The following PKIB variants were observed in gnomAD, a reference collection of about 807,000 sequenced individuals.
The protein encoded by PKIB is PKI-beta.
Under a neutral mutation model 4.5 loss-of-function variants are expected in PKIB, and 2 were observed. The observed-to-expected ratio is 0.44, with a 90% CI of 0.18 to 1.39. The LOEUF (loss-of-function observed/expected upper bound fraction) is 1.39, where lower values mean the gene tolerates loss of function less well. Among genes scored for constraint, PKIB ranks in the 40% most tolerant of loss-of-function variants. PKIB has a pLI of 0.27. For missense variants in PKIB, 94 were observed against 92.6 expected, an observed-to-expected ratio of 1.02 and a Z score of -0.06; for synonymous variants, 38 against 36.0, an observed-to-expected ratio of 1.06 and a Z score of -0.20.
At chr6:122,637,272 C>G (rs987176284) in intron 2 of PKIB, among the ~76,000 whole-genome samples, 1 of 152,036 alleles carries the variant, frequency 6.6e-6, no homozygotes, top group Non-Finnish European at 1.5e-5. Flanking sequence ...ATTGCTTTTT[C>G]TTGATTTTTT....
At chr6:122,510,775 A>G (rs545210049) in intron 2 of PKIB, among the ~76,000 whole-genome samples, 1 of 152,248 alleles carries the variant, frequency 6.6e-6, no homozygotes, top group Admixed American at 6.5e-5. Flanking sequence ...TTTGACCCAG[A>G]TAAGGTGCTG....
At chr6:122,562,936 A>G (rs1431098367) in intron 2 of PKIB, among the ~76,000 whole-genome samples, 1 of 152,026 alleles carries the variant, frequency 6.6e-6, no homozygotes, top group Non-Finnish European at 1.5e-5. Flanking sequence ...TTAGCTTAAT[A>G]ACTAACCTCC....
intron 2 of PKIB, among the ~76,000 whole-genome samples, chr6:122,646,699 A>C (rs1261002282): frequency 6.6e-6 from 1 of 152,218 alleles, no homozygotes; most frequent in Non-Finnish European, 1.5e-5. Context: ...TATTAAATAG[A>C]AGTTAATTTA....
intron 2 of PKIB, among the ~76,000 whole-genome samples, chr6:122,646,653 A>G (rs1776327893): frequency 1.3e-5 from 2 of 152,306 alleles, no homozygotes; most frequent in African/African-American, 4.8e-5. Context: ...ATTCTTTACA[A>G]TGGTGAACCT....
At chr6:122,700,251 C>CTTTTTTTTT (rs34063696) in intron 3 of PKIB, among the ~76,000 whole-genome samples, 2 of 94,330 alleles carry the variant, frequency 2.1e-5, no homozygotes, top group African/African-American at 7.9e-5. Flanking sequence ...TCTTTTCTTT[C>CTTTTTTTTT]TTTTTTTTTT....
intron 2 of PKIB, among the ~76,000 whole-genome samples, chr6:122,561,148 A>G (rs769106598): frequency 6.6e-6 from 1 of 151,592 alleles, no homozygotes; most frequent in Non-Finnish European, 1.5e-5. Flanking sequence ...CAGTTTGTGC[A>G]CTTTCAGTCT....
intron 3 of PKIB, among the ~76,000 whole-genome samples, chr6:122,596,458 C>T (rs935534347): frequency 6.6e-6 from 1 of 152,158 alleles, no homozygotes. Flanking sequence ...TATACCACTT[C>T]CATTTGATGA....
At chr6:122,476,720 A>G (rs548912142) in intron 1 of PKIB, among the ~76,000 whole-genome samples, 19 of 152,342 alleles carry the variant, frequency 1.2e-4, no homozygotes, top group Non-Finnish European at 2.5e-4. Flanking sequence ...GTACTATTTT[A>G]TAATCATTGA....
chr6:122,694,690 C>G (rs1778494862), intron 3 of PKIB, among the ~76,000 whole-genome samples: 1 of 152,020 alleles, frequency 6.6e-6, no homozygotes, highest in Admixed American at 6.6e-5. Context: ...GATGGCAAAG[C>G]TATAAAAAGA....
intron 2 of PKIB, among the ~76,000 whole-genome samples, chr6:122,579,065 G>A (rs1372768432): frequency 1.3e-5 from 2 of 152,174 alleles, no homozygotes; most frequent in Non-Finnish European, 1.5e-5. Context: ...TCTTGGGTAT[G>A]TGTTCATCAG....
chr6:122,543,005 G>C (rs1378240616), intron 2 of PKIB, among the ~76,000 whole-genome samples: 2 of 152,074 alleles, frequency 1.3e-5, no homozygotes, highest in African/African-American at 2.4e-5. Flanking sequence ...ATGGGCATAC[G>C]ACCCTCTGAG....
chr6:122,550,371 A>G (rs1772640260), intron 2 of PKIB, among the ~76,000 whole-genome samples: 1 of 152,162 alleles, frequency 6.6e-6, no homozygotes, highest in Admixed American at 6.6e-5. Flanking sequence ...TTTTGTTTAC[A>G]TCTATATTTA....
intron 2 of PKIB, among the ~76,000 whole-genome samples, chr6:122,655,695 A>G (rs1196649707): frequency 6.6e-6 from 1 of 152,210 alleles, no homozygotes; most frequent in African/African-American, 2.4e-5. Context: ...GTACACATAT[A>G]TAGAATTATG....
intron 2 of PKIB, among the ~76,000 whole-genome samples, chr6:122,637,773 A>G (rs1413124641): frequency 1.3e-5 from 2 of 151,624 alleles, no homozygotes; most frequent in African/African-American, 4.8e-5. Context: ...AAAAAATCAT[A>G]ATAATTAATA....
rs118062094 is a variant in PKIB at position 122,715,961 on chromosome 6, A to G, written c.-8-1826A>G. On this transcript the variant is annotated intron_variant, in intron 3 of 4. Transcript: ENST00000368452. ...CCCCAGTTTCCACATCCACAAAGCA[A>G]GGGTCATACTTCAGTACCTCATGGG... Among the ~76,000 whole-genome samples, 178 of 152,224 alleles carry G rather than the reference A, an allele frequency of 1.2e-3. 3 individuals are homozygous for G. In the East Asian group the frequency reaches 0.018, roughly 16 times the overall value.
chr6:122,539,176 C>T (rs1777506629), intron 2 of PKIB, among the ~76,000 whole-genome samples: 1 of 151,984 alleles, frequency 6.6e-6, no homozygotes, highest in African/African-American at 2.4e-5. Flanking sequence ...CCTTTATTTC[C>T]TTCTCCTGCC....
At chr6:122,538,059 T>A (rs1777462845) in intron 2 of PKIB, among the ~76,000 whole-genome samples, 1 of 152,086 alleles carries the variant, frequency 6.6e-6, no homozygotes, top group Non-Finnish European at 1.5e-5. Context: ...TTTGAGTTCA[T>A]TGTAGATTCT....
chr6:122,472,354 T>C (rs551014945), intron 1 of PKIB, among the ~76,000 whole-genome samples: 1 of 152,250 alleles, frequency 6.6e-6, no homozygotes, highest in Non-Finnish European at 1.5e-5. Flanking sequence ...TGTTTGCTAT[T>C]GACTTATATT....
intron 2 of PKIB, chr6:122,480,697 A>T (rs1161227549): frequency 1.3e-5 from 2 of 151,786 alleles, no homozygotes; most frequent in South Asian, 2.1e-4. Context: ...ATTTCTAAGA[A>T]TTTTTTTTCA....
Sources: allele counts gnomAD v4.1 joint callset (sites outside exome capture counted in the v4.1 genomes callset), GRCh38; gene constraint gnomAD v4.1.1; transcripts MANE v1.5; gene names NCBI Gene and HGNC (gene_info 2026-07-23, HGNC 2026-07-21).